Variants in MALRD1 observed in about 807,000 individuals in gnomAD.
MALRD1 encodes the protein MAM and LDL receptor class A domain containing 1.
A neutral mutation model predicts 242.1 loss-of-function variants in MALRD1; 247 were observed. The ratio of observed to expected loss-of-function variants is 1.02; its 90% CI spans 0.92 to 1.13. The LOEUF (loss-of-function observed/expected upper bound fraction) is 1.13. MALRD1 is among the 50% of genes most tolerant of loss of function. The pLI is 0.00. For missense variants in MALRD1, 2,989 were observed against 2,533.1 expected (o/e 1.18, Z -3.86); for synonymous variants, 995 against 866.6 (o/e 1.15, Z -2.60).
At chr10:19,476,013 A>G (rs1836712744) in intron 29 of MALRD1, among the ~76,000 whole-genome samples, 1 of 152,202 alleles carries the variant, frequency 6.6e-6, no homozygotes, top group African/African-American at 2.4e-5. Flanking sequence ...AGTGGGACCT[A>G]AAAAGAGCAA....
chr10:19,228,321 A>T (rs1837887558), intron 18 of MALRD1, among the ~76,000 whole-genome samples: 1 of 152,206 alleles, frequency 6.6e-6, no homozygotes, highest in African/African-American at 2.4e-5. Context: ...CATTCCACTA[A>T]TAGGATACTC....
intron 1 of MALRD1, among the ~76,000 whole-genome samples, chr10:19,059,443 A>C (rs1343676009): frequency 6.6e-6 from 1 of 152,088 alleles, no homozygotes; most frequent in African/African-American, 2.4e-5. Flanking sequence ...GCTGGAGTGC[A>C]GTGGCATGAT....
At chr10:19,341,510 ATGTGTGTATATATG>A (rs1564577195) in intron 24 of MALRD1, among the ~76,000 whole-genome samples, 2 of 142,698 alleles carry the variant, frequency 1.4e-5, no homozygotes, top group East Asian at 2.0e-4. Context: ...ATGTATATAT[ATGTGTGTATATATG>A]TATATATATA....
Position 19,128,275 on chromosome 10 carries a change from G to A in MALRD1, c.998G>A (p.Ser333Asn). 8.1e-7 allele frequency: 1 copy of A among 1,233,442 alleles called. No homozygotes were observed. Among genetic ancestry groups the A allele is most frequent in the Non-Finnish European group, 1.0e-6 (1 of 987,770 alleles). 76.4% of individuals were successfully genotyped at this position (1,233,442 alleles called of 1,614,324 possible). The stretch of plus-strand genomic sequence containing the variant: ...GGTTTCACTCTTAACCATTTAGACA[G>A]CAGGGCTTACCTAAATAGCTCTGTG... ...KHGFTLNHLDSRAYLNSSVCH... is the reference protein window; with the variant it reads ...KHGFTLNHLDNRAYLNSSVCH... The change falls in exon 8 of 40, where the codon AGC (serine) becomes AAC (asparagine). Residue 333 changes from serine (S) to asparagine (N), a missense_variant. Ser to Asn is a conservative substitution (Grantham distance 46, BLOSUM62 1). Transcript: ENST00000454679.
At chr10:19,547,770 T>A (rs1483197759) in intron 32 of MALRD1, among the ~76,000 whole-genome samples, 7 of 104,726 alleles carry the variant, frequency 6.7e-5, no homozygotes, top group Non-Finnish European at 1.4e-4. Context: ...TCCATTTTAC[T>A]GAACTTCACA....
At chr10:19,273,096 G>A (rs1167123829) in intron 19 of MALRD1, among the ~76,000 whole-genome samples, 6 of 152,112 alleles carry the variant, frequency 3.9e-5, no homozygotes, top group Non-Finnish European at 7.4e-5. Flanking sequence ...AAATCCTTGA[G>A]GAATTGCCAC....
At chr10:19,084,814 C>T (rs915369221) in intron 2 of MALRD1, among the ~76,000 whole-genome samples, 9 of 151,876 alleles carry the variant, frequency 5.9e-5, no homozygotes, top group Non-Finnish European at 1.0e-4. Flanking sequence ...TTTTAAAAGT[C>T]CTCTAACGTA....
intron 12 of MALRD1, among the ~76,000 whole-genome samples, chr10:19,163,420 A>C (rs774575524): frequency 6.6e-6 from 1 of 151,728 alleles, no homozygotes; most frequent in Non-Finnish European, 1.5e-5. Flanking sequence ...CAAATACCGC[A>C]CGTTCTCACT....
chr10:19,730,414 T>C (rs1419805875), intron 38 of MALRD1, among the ~76,000 whole-genome samples: 2 of 152,216 alleles, frequency 1.3e-5, no homozygotes, highest in Non-Finnish European at 2.9e-5. Flanking sequence ...AGTAATATTT[T>C]AAGAAATCAA....
intron 13 of MALRD1, among the ~76,000 whole-genome samples, chr10:19,171,425 TATACATATA>T (rs541313598): frequency 0.016 from 1,466 of 91,232 alleles, 60 homozygotes; most frequent in Admixed American, 0.023. Flanking sequence ...TTATATTTTA[TATACATATA>T]TATATATATA....
intron 33 of MALRD1, among the ~76,000 whole-genome samples, chr10:19,592,768 C>CAT (rs1837882057): frequency 1.0e-4 from 2 of 20,062 alleles, no homozygotes; most frequent in African/African-American, 2.2e-4. Context: ...CACACGCACG[C>CAT]ACACACACAC....
chr10:19,257,731 G>A lies in MALRD1; in HGVS notation c.3039G>A (p.Ala1013=), dbSNP rs191065615. 302 of 1,541,930 alleles carry A rather than the reference G, an allele frequency of 2.0e-4. 1 individual carries two copies. In the Middle Eastern group the frequency reaches 2.9e-3, roughly 15 times the overall value. ...SVGDGFTGDI[A]IDDLSFMDCT... ...GAGATGGCTTCACTGGAGATATTGC[G>A]ATTGATGATCTGTCATTTATGGACT... The change falls in exon 19 of 40, where the codon GCG becomes GCA. Residue 1013 remains alanine, a synonymous_variant. Transcript: ENST00000454679.
chr10:19,684,436 A>G (rs1842492182), intron 36 of MALRD1, among the ~76,000 whole-genome samples: 1 of 152,180 alleles, frequency 6.6e-6, no homozygotes, highest in Admixed American at 6.5e-5. Context: ...ACCTTTCAAC[A>G]TGATAGACAT....
chr10:19,367,409 T>G (rs746702037), intron 26 of MALRD1, among the ~76,000 whole-genome samples: 4 of 152,124 alleles, frequency 2.6e-5, no homozygotes, highest in Non-Finnish European at 4.4e-5. Flanking sequence ...ACATAATGTC[T>G]TCAGTTCCAT....
chr10:19,082,595 T>C (rs1034816561), intron 2 of MALRD1, among the ~76,000 whole-genome samples: 1 of 151,956 alleles, frequency 6.6e-6, no homozygotes, highest in Non-Finnish European at 1.5e-5. Flanking sequence ...TGTGTATTGA[T>C]TGCTTTGCTT....
At chr10:19,635,834 A>T (rs894267886) in intron 36 of MALRD1, among the ~76,000 whole-genome samples, 1 of 152,202 alleles carries the variant, frequency 6.6e-6, no homozygotes, top group East Asian at 1.9e-4. Context: ...ACACCTTGTC[A>T]TATTGTAAAA....
rs1491309752 is a variant in MALRD1, at chr10:19,163,137, T to TGAAA, written c.1657-2500_1657-2499insGAAA. Among the ~76,000 whole-genome samples the TGAAA allele has an allele frequency of 1.1e-3, 47 of 43,836 alleles. 6 individuals are homozygous for TGAAA. Among genetic ancestry groups the TGAAA allele is most frequent in the Admixed American group, 6.3e-3 (18 of 2,860 alleles). 28.8% of individuals were successfully genotyped at this position (43,836 alleles called of 152,430 possible). ...TGAACAACTGGAGTGAAACCCTGTC[T>TGAAA]AAAAAAAAAAAAAAAAAAAAAAAAA... On this transcript the variant is annotated intron_variant, in intron 12 of 39. Transcript: ENST00000454679.
intron 18 of MALRD1, among the ~76,000 whole-genome samples, chr10:19,254,266 A>G (rs766607275): frequency 2.0e-5 from 3 of 152,016 alleles, no homozygotes; most frequent in Admixed American, 6.6e-5. Context: ...TGAGGTTCAC[A>G]GCTGTTGTTG....
At chr10:19,285,485 C>G (rs899880506) in intron 21 of MALRD1, among the ~76,000 whole-genome samples, 10 of 151,706 alleles carry the variant, frequency 6.6e-5, no homozygotes, top group African/African-American at 1.7e-4. Context: ...AGCCAGTTTT[C>G]CCAGCACCAT....
Sources: allele counts gnomAD v4.1 joint callset (sites outside exome capture counted in the v4.1 genomes callset), GRCh38; gene constraint gnomAD v4.1.1; transcripts MANE v1.5; gene names NCBI Gene and HGNC (gene_info 2026-07-23, HGNC 2026-07-21).